Variants in DOCK3 observed in about 807,000 individuals in gnomAD.
DOCK3 encodes the protein dedicator of cytokinesis protein 3.
Under a neutral mutation model 265.6 loss-of-function variants are expected in DOCK3, and 60 were observed. That is an observed-to-expected ratio of 0.23 (90% CI 0.18 to 0.28). DOCK3 has a LOEUF of 0.28. Among genes scored for constraint, DOCK3 ranks in the 10% least tolerant of loss-of-function variants. The pLI, the probability that DOCK3 is intolerant of heterozygous loss-of-function variation, is 1.00. For synonymous variants in DOCK3, 881 were observed against 938.0 expected, an observed-to-expected ratio of 0.94 and a Z score of 1.11; for missense variants, 1,981 against 2,594.3, an observed-to-expected ratio of 0.76 and a Z score of 5.14.
chr3:51,300,444 A>G (rs1370477250), intron 27 of DOCK3, among the ~76,000 whole-genome samples: 4 of 152,308 alleles, frequency 2.6e-5, no homozygotes, highest in Non-Finnish European at 4.4e-5. Flanking sequence ...TATGTTGAAT[A>G]GGAGTGGTGA....
At chr3:50,970,919 A>ATT (rs2077195385) in intron 5 of DOCK3, among the ~76,000 whole-genome samples, 1 of 71,652 alleles carries the variant, frequency 1.4e-5, no homozygotes, top group African/African-American at 5.3e-5. Flanking sequence ...ATATATATAT[A>ATT]TATATATATA....
chr3:50,793,529 G>A (rs2042605825), intron 2 of DOCK3, among the ~76,000 whole-genome samples: 1 of 151,568 alleles, frequency 6.6e-6, no homozygotes, highest in South Asian at 2.1e-4. Flanking sequence ...GCTAATTTTT[G>A]TATTTTTTAG....
chr3:51,308,304 A>C (rs1423693595), intron 27 of DOCK3, among the ~76,000 whole-genome samples: 1 of 148,854 alleles, frequency 6.7e-6, no homozygotes, highest in African/African-American at 2.5e-5. Flanking sequence ...TAGTGGAGGG[A>C]AGGTCAGCAG....
intron 4 of DOCK3, among the ~76,000 whole-genome samples, chr3:50,902,627 G>C (rs1353836976): frequency 2.0e-5 from 3 of 152,114 alleles, no homozygotes; most frequent in Non-Finnish European, 2.9e-5. Context: ...CTGCAGCCTT[G>C]TTCTTTTTCC....
chr3:51,379,336 C>T, intron 51 of DOCK3: 1 of 960,460 alleles, frequency 1.0e-6, no homozygotes, highest in Non-Finnish European at 1.2e-6. Context: ...GCTGGCATGC[C>T]CCACATGTGT....
intron 40 of DOCK3, among the ~76,000 whole-genome samples, chr3:51,351,354 A>G (rs2085963131): frequency 6.6e-6 from 1 of 152,220 alleles, no homozygotes; most frequent in African/African-American, 2.4e-5. Context: ...TGGGTTAGCC[A>G]ATGAGCAATA....
At chr3:50,872,311 G>A (rs968199439) in intron 3 of DOCK3, among the ~76,000 whole-genome samples, 10 of 152,216 alleles carry the variant, frequency 6.6e-5, no homozygotes, top group Admixed American at 4.6e-4. Flanking sequence ...CACCTTGATG[G>A]TCTTGGACAA....
intron 1 of DOCK3, among the ~76,000 whole-genome samples, chr3:50,766,082 C>T (rs971861512): frequency 5.3e-5 from 8 of 152,116 alleles, no homozygotes; most frequent in South Asian, 2.1e-4. Flanking sequence ...TCCATCTTGT[C>T]GCAAGTGACA....
At chr3:51,079,645 AC>A (rs1287277038) in intron 7 of DOCK3, among the ~76,000 whole-genome samples, 1 of 151,962 alleles carries the variant, frequency 6.6e-6, no homozygotes, top group Non-Finnish European at 1.5e-5. Context: ...GAACCACCAT[AC>A]TTAGCAGGAT....
intron 5 of DOCK3, among the ~76,000 whole-genome samples, chr3:51,062,021 C>G (rs2081428959): frequency 6.6e-6 from 1 of 152,168 alleles, no homozygotes; most frequent in South Asian, 2.1e-4. Flanking sequence ...GTCAAAACTT[C>G]AAGCCCTTCT....
chr3:51,332,497 A>G (rs1393770028), intron 33 of DOCK3, among the ~76,000 whole-genome samples: 4 of 152,112 alleles, frequency 2.6e-5, no homozygotes, highest in Non-Finnish European at 5.9e-5. Context: ...ACTTTCCCTC[A>G]TGTTGGGGCC....
chr3:51,041,638 A>G (rs892681715), intron 5 of DOCK3, among the ~76,000 whole-genome samples: 1 of 152,158 alleles, frequency 6.6e-6, no homozygotes, highest in Admixed American at 6.6e-5. Flanking sequence ...ATCTCCATCA[A>G]GATCTTAGGT....
intron 3 of DOCK3, among the ~76,000 whole-genome samples, chr3:50,846,306 A>G (rs1055040349): frequency 2.6e-5 from 4 of 152,190 alleles, no homozygotes; most frequent in African/African-American, 9.6e-5. Flanking sequence ...ACAGTTATGA[A>G]TTATTACAGT....
intron 5 of DOCK3, among the ~76,000 whole-genome samples, chr3:51,013,427 G>A (rs1417837102): frequency 6.6e-6 from 1 of 152,192 alleles, no homozygotes; most frequent in African/African-American, 2.4e-5. Flanking sequence ...AGGTCTGTTG[G>A]AGTTTTTTGG....
At chr3:50,749,754 A>G (rs1415893360) in intron 1 of DOCK3, among the ~76,000 whole-genome samples, 1 of 152,212 alleles carries the variant, frequency 6.6e-6, no homozygotes, top group East Asian at 1.9e-4. Context: ...TTTACTCTCT[A>G]GTAATATGTC....
intron 5 of DOCK3, among the ~76,000 whole-genome samples, chr3:50,994,000 T>C (rs1393574033): frequency 6.6e-6 from 1 of 152,158 alleles, no homozygotes; most frequent in East Asian, 1.9e-4. Flanking sequence ...TTGCTTTTTT[T>C]TAATGGCAGT....
At chr3:51,280,001 T>A (rs201369098) in intron 26 of DOCK3, 105 bp from the exon 27 acceptor site, 3 of 819,538 alleles carry the variant, frequency 3.7e-6, no homozygotes, top group Non-Finnish European at 5.9e-6. Context: ...TCCATGATCA[T>A]TGGGGCCATC....
intron 2 of DOCK3, among the ~76,000 whole-genome samples, chr3:50,814,834 T>C (rs959277149): frequency 6.7e-6 from 1 of 149,484 alleles, no homozygotes; most frequent in Non-Finnish European, 1.5e-5. Context: ...TTTTTCATTC[T>C]TTTTTTTTTG....
chr3:50,729,517 C>G lies in DOCK3; in HGVS notation c.38-49158C>G, dbSNP rs959400807. 1.5e-4 allele frequency among the ~76,000 whole-genome samples: 23 copies of G among 152,014 alleles called. No homozygotes were observed. In the East Asian group the frequency reaches 3.7e-3, roughly 24 times the overall value. On this transcript the variant is annotated intron_variant, in intron 1 of 52. Coordinates refer to ENST00000266037, the MANE Select transcript of DOCK3 (RefSeq NM_004947.5). ...ACTCGTCATCTAGCATTAGGTATAT[C>G]TCCCAATGCTATCCCTCCCTATTTT...
Sources: gnomAD v4.1 joint callset for allele counts (sites outside exome capture counted in the v4.1 genomes callset) on GRCh38, gnomAD v4.1.1 for gene constraint, MANE v1.5 for transcripts, NCBI Gene and HGNC (gene_info 2026-07-23, HGNC 2026-07-21) for gene names.